Variants in SLC35G2 observed in about 807,000 individuals in gnomAD.
SLC35G2 encodes transmembrane protein 22.
In SLC35G2, 20 loss-of-function variants were observed where a neutral mutation model predicts 27.2. That is an observed-to-expected ratio of 0.74 (90% CI 0.52 to 1.07). SLC35G2 has a LOEUF of 1.07. SLC35G2 is among the 50% of genes least tolerant of loss of function. SLC35G2 has a pLI of 0.00. For synonymous variants in SLC35G2, 148 were observed against 165.3 expected (o/e 0.90, Z 0.80); for missense variants, 416 against 493.3 (o/e 0.84, Z 1.48).
At chr3:136,840,386 T>C (rs750019490) in intron 1 of SLC35G2, among the ~76,000 whole-genome samples, 5 of 152,092 alleles carry the variant, frequency 3.3e-5, no homozygotes, top group Admixed American at 6.6e-5. Flanking sequence ...TCAAAGAGCA[T>C]TATCACCACT....
At chr3:136,845,438 G>GGGAAACTAGCA (rs1303066019) in intron 1 of SLC35G2, among the ~76,000 whole-genome samples, 1 of 152,100 alleles carries the variant, frequency 6.6e-6, no homozygotes, top group Non-Finnish European at 1.5e-5. Flanking sequence ...GGCATGCACT[G>GGGAAACTAGCA]GGAAACTAGC....
intron 1 of SLC35G2, chr3:136,820,023 G>A (rs1389329240): frequency 6.6e-6 from 1 of 152,336 alleles, no homozygotes; most frequent in Non-Finnish European, 1.5e-5. Context: ...GAGGGAAGAA[G>A]GGTCGCGCGG....
At chr3:136,822,606 C>T (rs775915744) in intron 1 of SLC35G2, among the ~76,000 whole-genome samples, 25 of 152,308 alleles carry the variant, frequency 1.6e-4, no homozygotes, top group Admixed American at 6.5e-4. Flanking sequence ...TGAGCCACTG[C>T]GCCCAGCGTA....
At chr3:136,844,563 C>T (rs1275981688) in intron 1 of SLC35G2, among the ~76,000 whole-genome samples, 1 of 151,338 alleles carries the variant, frequency 6.6e-6, no homozygotes, top group Non-Finnish European at 1.5e-5. Flanking sequence ...CTTTGGGAGG[C>T]CCAGGCTGAC....
At chr3:136,845,189 G>A (rs764681786) in intron 1 of SLC35G2, among the ~76,000 whole-genome samples, 1 of 152,176 alleles carries the variant, frequency 6.6e-6, no homozygotes, top group African/African-American at 2.4e-5. Context: ...AGGATTATGA[G>A]TGATTTTTAT....
At position 136,855,225 on chromosome 3, in the gene SLC35G2, C is replaced by T; in HGVS notation, c.765C>T (p.Ala255=). The part of the protein sequence containing the change: ...DNSLLNAWKE[A]FGYTMTVMAG... ...CTTTGTTAAATGCCTGGAAAGAAGC[C>T]TTTGGGTACACCATGACTGTGATGG... Residue 255 remains alanine, a synonymous_variant, in exon 2 of 2, where the codon GCC becomes GCT. Transcript: ENST00000446465. The T allele has an allele frequency of 6.2e-7, 1 of 1,614,176 alleles. No individual in the cohort carries two copies.
chr3:136,849,312 C>T (rs1045826724), intron 1 of SLC35G2, among the ~76,000 whole-genome samples: 1 of 151,580 alleles, frequency 6.6e-6, no homozygotes, highest in Admixed American at 6.6e-5. Context: ...ACAAGTTATG[C>T]CATTTAATTT....
intron 1 of SLC35G2, 105 bp downstream of exon 1, chr3:136,819,733 CTT>C (rs774589002): frequency 6.6e-6 from 1 of 152,252 alleles, no homozygotes; most frequent in Admixed American, 6.5e-5. Flanking sequence ...CCATTACTCT[CTT>C]GTCTCATGTC....
At chr3:136,839,899 C>T (rs1331495324) in intron 1 of SLC35G2, among the ~76,000 whole-genome samples, 2 of 152,168 alleles carry the variant, frequency 1.3e-5, no homozygotes, top group Non-Finnish European at 2.9e-5. Context: ...TACCTCCCCT[C>T]ATCTCCAAGT....
At chr3:136,836,443 A>G (rs1936872643) in intron 1 of SLC35G2, among the ~76,000 whole-genome samples, 1 of 152,200 alleles carries the variant, frequency 6.6e-6, no homozygotes. Flanking sequence ...CCCGACATAA[A>G]TTAAACAACT....
At chr3:136,821,382 C>T (rs1936452103) in intron 1 of SLC35G2, among the ~76,000 whole-genome samples, 2 of 151,814 alleles carry the variant, frequency 1.3e-5, no homozygotes, top group Non-Finnish European at 2.9e-5. Context: ...CATTTATGTC[C>T]AATTTTTTAG....
chr3:136,832,706 T>C (rs1253945371), intron 1 of SLC35G2, among the ~76,000 whole-genome samples: 2 of 152,226 alleles, frequency 1.3e-5, no homozygotes, highest in African/African-American at 4.8e-5. Flanking sequence ...GATGTCAGAC[T>C]GCCTTCATAG....
rs34202723 is a variant in SLC35G2 at position 136,826,974 on chromosome 3, T to TTTC, written c.-19+7348_-19+7349insCTT. On this transcript the variant is annotated intron_variant, in intron 1 of 1. Coordinates refer to ENST00000446465, the MANE Select transcript of SLC35G2 (RefSeq NM_025246.3). ...TATTTGGATCTTCTCTCTTTTTTCT[T>TTTC]TTTTTTTTTTTTAGTATTTATTGAT... 7.7e-3 allele frequency among the ~76,000 whole-genome samples: 133 copies of TTTC among 17,182 alleles called. 1 individual carries two copies. Among genetic ancestry groups the TTTC allele is most frequent in the Middle Eastern group, 0.056 (1 of 18 alleles). 11.3% of individuals were successfully genotyped at this position (17,182 alleles called of 152,430 possible).
chr3:136,854,410 A>C (rs1286853194), intron 1 of SLC35G2, 33 bp from the exon 2 acceptor site: 1 of 1,354,170 alleles, frequency 7.4e-7, no homozygotes, highest in East Asian at 2.4e-5. Flanking sequence ...CAATGAAATG[A>C]ATGTCTTTTT....
At chr3:136,822,087 G>A (rs901740682) in intron 1 of SLC35G2, among the ~76,000 whole-genome samples, 5 of 152,014 alleles carry the variant, frequency 3.3e-5, no homozygotes, top group African/African-American at 1.2e-4. Context: ...ATCCCCTTGA[G>A]CATTTATCCT....
intron 1 of SLC35G2, chr3:136,842,713 C>T (rs534140946): frequency 6.6e-6 from 1 of 152,302 alleles, no homozygotes; most frequent in East Asian, 1.9e-4. Context: ...AGGACCAAGT[C>T]ATTATTTTTG....
chr3:136,852,040 C>G (rs1937658983), intron 1 of SLC35G2, among the ~76,000 whole-genome samples: 1 of 152,170 alleles, frequency 6.6e-6, no homozygotes, highest in Non-Finnish European at 1.5e-5. Context: ...ACAGTATTCC[C>G]TGATTTCTAG....
chr3:136,843,481 T>TA (rs1160174198), intron 1 of SLC35G2, among the ~76,000 whole-genome samples: 1 of 150,368 alleles, frequency 6.7e-6, no homozygotes, highest in Non-Finnish European at 1.5e-5. Context: ...CTGTCTCTAC[T>TA]AAAAAAATAC....
intron 1 of SLC35G2, among the ~76,000 whole-genome samples, chr3:136,852,712 C>G (rs1221698204): frequency 6.6e-6 from 1 of 151,862 alleles, no homozygotes; most frequent in Non-Finnish European, 1.5e-5. Context: ...AGGCAGGTCT[C>G]GAACTCCTGA....
Sources: gnomAD v4.1 joint callset for allele counts (sites outside exome capture counted in the v4.1 genomes callset) on GRCh38, gnomAD v4.1.1 for gene constraint, MANE v1.5 for transcripts, NCBI Gene and HGNC (gene_info 2026-07-23, HGNC 2026-07-21) for gene names.